Variants in TSKS observed in about 807,000 individuals in gnomAD.
TSKS encodes testis specific serine kinase substrate.
In TSKS, 27 loss-of-function variants were observed where a neutral mutation model predicts 68.0. The ratio of observed to expected loss-of-function variants is 0.40; its 90% CI spans 0.29 to 0.55. The LOEUF is 0.55. Among genes scored for constraint, TSKS ranks in the 20% least tolerant of loss-of-function variants. The pLI is 0.53. For missense variants in TSKS, 806 were observed against 776.0 expected (o/e 1.04, Z -0.46); for synonymous variants, 331 against 340.4 (o/e 0.97, Z 0.30).
chr19:49,745,313 C>T lies in TSKS; in HGVS notation c.1076G>A (p.Gly359Asp), dbSNP rs150411556. ...QEALRLLGGL[G>D]GRVDGFLGQW... The stretch of plus-strand genomic sequence containing the variant: ...GCCTAGGAAGCCGTCGACCCTGCCG[C>T]CCAGGCCCCCGAGCAGCCGCAGGGC... The change falls in exon 7 of 11, where the codon GGC (glycine) becomes GAC (aspartate). Residue 359 changes from glycine (G) to aspartate (D), a missense_variant. By Grantham distance (94) the Gly-to-Asp change is moderately conservative (BLOSUM62 -1). Coordinates refer to ENST00000246801, the MANE Select transcript of TSKS (RefSeq NM_021733.2). The T allele has an allele frequency of 5.4e-5, 86 of 1,603,996 alleles. No homozygotes were observed. The highest frequency in any genetic ancestry group is 1.2e-4 in the Admixed American group (7 of 59,812).
At chr19:49,755,708 A>T (rs1338704105) in intron 2 of TSKS, among the ~76,000 whole-genome samples, 3 of 152,098 alleles carry the variant, frequency 2.0e-5, no homozygotes, top group African/African-American at 7.2e-5. Flanking sequence ...AAATAGGATA[A>T]AATGGGCCAG....
At chr19:49,752,309 G>A (rs62129175) in intron 2 of TSKS, among the ~76,000 whole-genome samples, 6 of 151,754 alleles carry the variant, frequency 4.0e-5, no homozygotes, top group Non-Finnish European at 7.4e-5. Context: ...GCTTGAACCC[G>A]GGAGGTGGAG....
At chr19:49,752,692 T>G (rs2084361258) in intron 2 of TSKS, among the ~76,000 whole-genome samples, 1 of 152,204 alleles carries the variant, frequency 6.6e-6, no homozygotes, top group Non-Finnish European at 1.5e-5. Context: ...GGATAACAGT[T>G]GGGGTAAACA....
At chr19:49,760,727 C>G (rs1438936093) in intron 2 of TSKS, among the ~76,000 whole-genome samples, 1 of 151,910 alleles carries the variant, frequency 6.6e-6, no homozygotes, top group Admixed American at 6.6e-5. Flanking sequence ...GAGTTCGAGG[C>G]TGCAGTGAGT....
chr19:49,761,729 C>T (rs942072411), intron 2 of TSKS, among the ~76,000 whole-genome samples: 4 of 151,794 alleles, frequency 2.6e-5, no homozygotes, highest in African/African-American at 9.7e-5. Context: ...TGTGGGAGGC[C>T]GAGGTGGGAG....
intron 5 of TSKS, 107 bp downstream of exon 5, chr19:49,747,282 G>A: frequency 6.2e-7 from 1 of 1,600,392 alleles, no homozygotes; most frequent in East Asian, 2.2e-5. Context: ...CGAAGGTGCA[G>A]TGTGGTGGTG....
At chr19:49,757,162 T>A (rs1343891843) in intron 2 of TSKS, among the ~76,000 whole-genome samples, 2 of 152,216 alleles carry the variant, frequency 1.3e-5, no homozygotes, top group Admixed American at 1.3e-4. Flanking sequence ...TAGGGAACGA[T>A]AGCCTCAATG....
At chr19:49,758,748 C>G (rs1654603) in intron 2 of TSKS, among the ~76,000 whole-genome samples, 38,877 of 152,054 alleles carry the variant, frequency 0.26, 6,617 homozygotes, top group African/African-American at 0.49. Context: ...GGAGAGAAAG[C>G]CCTTTTGCAT....
intron 4 of TSKS, 94 bp from the exon 5 acceptor site, chr19:49,747,566 C>T (rs1568562777): frequency 3.2e-6 from 4 of 1,253,446 alleles, no homozygotes; most frequent in Non-Finnish European, 4.6e-6. Flanking sequence ...CTCCAGGCCT[C>T]CTAGCCCCCC....
intron 2 of TSKS, among the ~76,000 whole-genome samples, chr19:49,752,911 A>G (rs1442080125): frequency 6.6e-6 from 1 of 152,212 alleles, no homozygotes; most frequent in Non-Finnish European, 1.5e-5. Flanking sequence ...AGGGAAGGCT[A>G]AGGTAGAGTT....
rs1005137600 is a variant in TSKS at position 49,762,741 on chromosome 19, T to G, written c.170+337A>C. Among the ~76,000 whole-genome samples the G allele has an allele frequency of 4.6e-5, 7 of 151,278 alleles. No homozygotes were observed. In the East Asian group the frequency reaches 9.9e-4, roughly 21 times the overall value. On this transcript the variant is annotated intron_variant, in intron 1 of 10. Coordinates refer to ENST00000246801, the MANE Select transcript of TSKS (RefSeq NM_021733.2). Reference sequence around the variant, plus strand: ...CGTGCCCGACCACCACTGTCTACTTTCTTCTTCTCCTTCCCCGCTGCCTAC... The same window carrying G: ...CGTGCCCGACCACCACTGTCTACTTGCTTCTTCTCCTTCCCCGCTGCCTAC...
rs996589960 is a variant in TSKS at position 49,746,592 on chromosome 19, G to A, written c.870C>T (p.Asp290=). The part of the protein sequence containing the change: ...QGCPGPPGSP[D]KPSRPHGLVP... ...CCAGGCCGTGTGGCCGCGAGGGTTTGTCGGGACTCCCTGGCGGGCCGGGGC... is the reference window on the plus strand; with the variant it reads ...CCAGGCCGTGTGGCCGCGAGGGTTTATCGGGACTCCCTGGCGGGCCGGGGC... Residue 290 remains aspartate (D), a synonymous_variant, in exon 6 of 11, where the codon GAC becomes GAT. Coordinates refer to ENST00000246801, the MANE Select transcript of TSKS (RefSeq NM_021733.2). 6.2e-7 allele frequency: 1 copy of A among 1,612,192 alleles called. No homozygotes were observed. The highest frequency in any genetic ancestry group is 8.5e-7 in the Non-Finnish European group (1 of 1,179,384).
chr19:49,759,787 A>T (rs2084425388), intron 2 of TSKS, among the ~76,000 whole-genome samples: 1 of 151,970 alleles, frequency 6.6e-6, no homozygotes, highest in Admixed American at 6.6e-5. Flanking sequence ...GTGAGCTATT[A>T]TCATGCCAGT....
chr19:49,750,955 G>A (rs2084345039), intron 2 of TSKS, among the ~76,000 whole-genome samples: 2 of 152,086 alleles, frequency 1.3e-5, no homozygotes, highest in Admixed American at 1.3e-4. Context: ...GATTGCTCTG[G>A]GGAAGAAGTG....
chr19:49,752,467 T>A (rs2084359687), intron 2 of TSKS, among the ~76,000 whole-genome samples: 1 of 152,008 alleles, frequency 6.6e-6, no homozygotes, highest in South Asian at 2.1e-4. Flanking sequence ...CACCTTTTGC[T>A]ATGAGGCCCT....
rs1263727435 is a variant in TSKS, at chr19:49,745,288, G to A, written c.1101C>T (p.Gly367=). 40 of 1,606,230 alleles carry A rather than the reference G, an allele frequency of 2.5e-5. 1 individual carries two copies. The highest frequency in any genetic ancestry group is 3.4e-5 in the Non-Finnish European group (40 of 1,179,638). ...GTTCGCGCTGTGCCCGCTCCCACTG[G>A]CCTAGGAAGCCGTCGACCCTGCCGC... ...GLGGRVDGFL[G]QWERAQREQA... is the part of the protein sequence containing the mutation. Residue 367 remains glycine (G), a synonymous_variant, in exon 7 of 11, where the codon GGC becomes GGT. Transcript: ENST00000246801.
intron 2 of TSKS, among the ~76,000 whole-genome samples, chr19:49,755,160 T>C (rs985170052): frequency 1.3e-5 from 2 of 152,202 alleles, no homozygotes; most frequent in African/African-American, 4.8e-5. Flanking sequence ...GAGGGGGCTC[T>C]GTAGCAGAAT....
intron 2 of TSKS, among the ~76,000 whole-genome samples, chr19:49,752,623 C>T (rs1421216656): frequency 2.0e-5 from 3 of 151,910 alleles, no homozygotes; most frequent in African/African-American, 7.3e-5. Flanking sequence ...GGAGAGGGAA[C>T]ATTTGTAAAG....
chr19:49,746,485 C>A lies in TSKS; in HGVS notation c.977G>T (p.Gly326Val), dbSNP rs1327983715. Residue 326 changes from glycine (G) to valine (V), a missense_variant, in exon 6 of 11, where the codon GGC (glycine) becomes GTC (valine). Coordinates refer to ENST00000246801, the MANE Select transcript of TSKS (RefSeq NM_021733.2). ...TCCCGCCCACCTCAGCTCTTCGATG[C>A]CGGTGAACAGCTTCTGCAATTCCTG... is the stretch of plus-strand genomic sequence containing the variant. ...SEQELQKLFT[G>V]IEELRREVSS... is the part of the protein sequence containing the mutation. 5.6e-6 allele frequency: 9 copies of A among 1,613,992 alleles called. No individual in the cohort carries two copies. The highest frequency in any genetic ancestry group is 7.6e-6 in the Non-Finnish European group (9 of 1,179,942).
Sources: gnomAD v4.1 joint callset for allele counts (sites outside exome capture counted in the v4.1 genomes callset) on GRCh38, gnomAD v4.1.1 for gene constraint, MANE v1.5 for transcripts, NCBI Gene and HGNC (gene_info 2026-07-23, HGNC 2026-07-21) for gene names.